The following SRR variants were observed in gnomAD, a reference collection of about 807,000 sequenced individuals.
SRR encodes the protein serine racemase, also known as D-serine ammonia-lyase.
Under a neutral mutation model 32.7 loss-of-function variants are expected in SRR, and 19 were observed. The observed-to-expected ratio is 0.58, with a 90% CI of 0.40 to 0.85. The LOEUF is 0.85. SRR is among the 40% of genes least tolerant of loss of function. The pLI is 0.00. For synonymous variants in SRR, 142 were observed against 140.9 expected (o/e 1.01, Z -0.06); for missense variants, 373 against 404.7 (o/e 0.92, Z 0.67).
At position 2,305,659 on chromosome 17, in the gene SRR, A is replaced by G. The variant is rs1445020743; in HGVS notation, c.-5+1642A>G. ...AAAAGAAATGACAAGAAAGACAACC[A>G]TATTTAAGTCAGTATCACAATGAAA... On this transcript the variant is annotated intron_variant, in intron 1 of 7. Transcript: ENST00000344595. Among the ~76,000 whole-genome samples the G allele has an allele frequency of 1.3e-5, 2 of 152,184 alleles. 1 individual carries two copies.
intron 1 of SRR, among the ~76,000 whole-genome samples, chr17:2,313,074 G>T (rs1349645578): frequency 6.6e-6 from 1 of 152,186 alleles, no homozygotes; most frequent in Non-Finnish European, 1.5e-5. Context: ...CTACCAGTGT[G>T]TGTCACTGCC....
chr17:2,323,508 CAG>C (rs2075552144), intron 7 of SRR, 145 bp from the exon 8 acceptor site: 3 of 1,143,936 alleles, frequency 2.6e-6, no homozygotes, highest in Admixed American at 2.4e-5. Flanking sequence ...TTGACAGAAG[CAG>C]AGTCAGAATT....
chr17:2,324,621 C>A lies in SRR; in HGVS notation c.*748C>A, dbSNP rs764702971. 1 of 1,613,968 alleles carries A rather than the reference C, an allele frequency of 6.2e-7. No homozygotes were observed. Among genetic ancestry groups the A allele is most frequent in the Non-Finnish European group, 8.5e-7 (1 of 1,179,974 alleles). On this transcript the variant is annotated 3_prime_UTR_variant, in exon 8 of 8. Coordinates refer to ENST00000344595, the MANE Select transcript of SRR (RefSeq NM_021947.3). The stretch of plus-strand genomic sequence containing the variant: ...TAAAGACCAAGATGAAACATTTACC[C>A]ACAAAATGTAAACCCAACCTTTATA...
At chr17:2,306,915 G>A in intron 1 of SRR, 1 of 1,000,372 alleles carries the variant, frequency 1.0e-6, no homozygotes, top group Admixed American at 1.7e-5. Context: ...CAAACACCAA[G>A]CACTCCAGGG....
At chr17:2,307,973 ATT>A (rs1244338236) in intron 1 of SRR, among the ~76,000 whole-genome samples, 4 of 141,878 alleles carry the variant, frequency 2.8e-5, no homozygotes, top group Non-Finnish European at 1.5e-5. Flanking sequence ...GTTTTAATGT[ATT>A]TTTTTTTTTT....
In SRR at chr17:2,323,874, T is replaced by C. The variant is rs143157273; in HGVS notation, c.*1T>C. 1.7e-5 allele frequency: 27 copies of C among 1,613,228 alleles called. No homozygotes were observed. In the African/African-American group the frequency reaches 3.5e-4, roughly 21 times the overall value. ...TTCTTATCAGTCTGTTTCTGTTTAA[T>C]TTACAGAAAAGGAAATGGTGGGAAT... On this transcript the variant is annotated 3_prime_UTR_variant, in exon 8 of 8. Coordinates refer to ENST00000344595, the MANE Select transcript of SRR (RefSeq NM_021947.3).
At chr17:2,322,411 AATTT>A (rs1185818998) in intron 6 of SRR, 1 of 152,242 alleles carries the variant, frequency 6.6e-6, no homozygotes, top group Non-Finnish European at 1.5e-5. Flanking sequence ...TCAGACATAT[AATTT>A]ATTTATAAAG....
At chr17:2,315,344 C>T (rs908597106) in intron 1 of SRR, 6 of 421,596 alleles carry the variant, frequency 1.4e-5, no homozygotes, top group East Asian at 3.9e-5. Flanking sequence ...TCTGTAATCA[C>T]CATCAGTTAC....
intron 4 of SRR, 95 bp from the exon 5 acceptor site, chr17:2,321,211 A>T: frequency 6.8e-7 from 1 of 1,461,344 alleles, no homozygotes; most frequent in Non-Finnish European, 9.4e-7. Context: ...AGTGTGAAAA[A>T]AGTAGATGGT....
intron 1 of SRR, among the ~76,000 whole-genome samples, chr17:2,314,507 C>T (rs1419783132): frequency 6.0e-5 from 9 of 150,842 alleles, no homozygotes; most frequent in African/African-American, 1.7e-4. Context: ...GGCGTGAACC[C>T]GGGAGGCGGA....
At chr17:2,315,899 T>G (rs1439664053) in intron 2 of SRR, among the ~76,000 whole-genome samples, 171 bp downstream of exon 2, 1 of 152,176 alleles carries the variant, frequency 6.6e-6, no homozygotes, top group African/African-American at 2.4e-5. Context: ...CCTAGCATCA[T>G]AGTGTTGATA....
rs2075529276 is a variant in SRR at position 2,321,611 on chromosome 17, G to A, written c.589G>A (p.Val197Ile). The stretch of plus-strand genomic sequence containing the variant: ...AATGCTTGCTGGAATAGCAATTACA[G>A]TTAAGGTGAGCAGCTTCTGGAGGAT... ...GGMLAGIAIT[V>I]KALKPSVKVY... The change falls in exon 6 of 8, where the codon GTT (valine) becomes ATT (isoleucine). Residue 197 changes from valine to isoleucine, a missense_variant. Coordinates refer to ENST00000344595, the MANE Select transcript of SRR (RefSeq NM_021947.3). The A allele has an allele frequency of 1.2e-6, 2 of 1,613,894 alleles. No homozygotes were observed. The highest frequency in any genetic ancestry group is 2.2e-5 in the East Asian group (1 of 44,882).
In SRR at chr17:2,324,957, A is replaced by G; in HGVS notation, c.*1084A>G. The stretch of plus-strand genomic sequence containing the variant: ...CCCTGCCCTAGCCCAATCTGAGGCT[A>G]AGATTGGTAAACTGTAAGCCCACAC... On this transcript the variant is annotated 3_prime_UTR_variant, in exon 8 of 8. Coordinates refer to ENST00000344595, the MANE Select transcript of SRR (RefSeq NM_021947.3). 9.5e-7 allele frequency: 1 copy of G among 1,058,068 alleles called. No homozygotes were observed. The highest frequency in any genetic ancestry group is 1.3e-6 in the Non-Finnish European group (1 of 755,208). The allele number at this position is 1,058,068 out of a possible 1,614,324, so 65.5% of individuals were successfully genotyped here.
chr17:2,319,993 T>C lies in SRR; in HGVS notation c.399+1064T>C, dbSNP rs541301126. Among the ~76,000 whole-genome samples the C allele has an allele frequency of 1.5e-4, 23 of 151,158 alleles. No individual in the cohort carries two copies. In the East Asian group the frequency reaches 3.4e-3, roughly 22 times the overall value. On this transcript the variant is annotated intron_variant, in intron 4 of 7. Transcript: ENST00000344595. ...GCCACCATGCCCAGCTAATTTTTTC[T>C]ATTTTTAGTAGAGACGGGGTTTCAC...
At chr17:2,319,821 CTT>C (rs397701831) in intron 4 of SRR, among the ~76,000 whole-genome samples, 11 of 133,332 alleles carry the variant, frequency 8.3e-5, no homozygotes, top group Non-Finnish European at 7.8e-5. Context: ...CTTGTCTCTT[CTT>C]TTTTTTTTTT....
Position 2,324,677 on chromosome 17 carries a change from C to T in SRR, c.*804C>T. ...AAGGCAATCAGATCCCATCCTCCTCCTTCATACCCACCTCTGTTGAAGAAC... is the reference window on the plus strand; with the variant it reads ...AAGGCAATCAGATCCCATCCTCCTCTTTCATACCCACCTCTGTTGAAGAAC... On this transcript the variant is annotated 3_prime_UTR_variant, in exon 8 of 8. Transcript: ENST00000344595. 2 of 1,614,058 alleles carry T rather than the reference C, an allele frequency of 1.2e-6. No individual in the cohort carries two copies. The highest frequency in any genetic ancestry group is 1.7e-6 in the Non-Finnish European group (2 of 1,180,016).
At chr17:2,307,221 T>A (rs1303970603) in intron 1 of SRR, 1 of 1,298,688 alleles carries the variant, frequency 7.7e-7, no homozygotes, top group Admixed American at 1.7e-5. Flanking sequence ...TAACCTTTGA[T>A]GATCATGACT....
intron 7 of SRR, 25 bp from the exon 8 acceptor site, chr17:2,323,630 T>G: frequency 6.2e-7 from 1 of 1,611,486 alleles, no homozygotes; most frequent in Non-Finnish European, 8.5e-7. Flanking sequence ...CTTTCACTAA[T>G]TCCTACTCCC....
rs767465041 is a variant in SRR at position 2,323,329 on chromosome 17, C to T, written c.788C>T (p.Thr263Ile). ...RDLVDDIFTV[T>I]EDEIKCATQL... ...CTTGTGGATGATATCTTCACTGTCA[C>T]AGAGGATGAAATTAAGGTGAGGCTC... is the stretch of plus-strand genomic sequence containing the variant. Residue 263 changes from threonine (T) to isoleucine (I), a missense_variant, in exon 7 of 8, where the codon ACA (threonine) becomes ATA (isoleucine). Transcript: ENST00000344595. 3 of 1,613,970 alleles carry T rather than the reference C, an allele frequency of 1.9e-6. No homozygotes were observed. The highest frequency in any genetic ancestry group is 2.5e-6 in the Non-Finnish European group (3 of 1,179,898).
Sources: allele counts gnomAD v4.1 joint callset (sites outside exome capture counted in the v4.1 genomes callset), GRCh38; gene constraint gnomAD v4.1.1; transcripts MANE v1.5; gene names NCBI Gene and HGNC (gene_info 2026-07-23, HGNC 2026-07-21).